Variants in PCDH9 observed in about 807,000 individuals in gnomAD.
The protein encoded by PCDH9 is protocadherin 9, also known as protocadherin-9.
A neutral mutation model predicts 70.6 loss-of-function variants in PCDH9; 24 were observed. That is an observed-to-expected ratio of 0.34 (90% CI 0.25 to 0.48). The LOEUF (loss-of-function observed/expected upper bound fraction) is 0.48. Ranked by LOEUF, PCDH9 falls within the 20% of genes least tolerant of loss-of-function variation. PCDH9 has a pLI of 0.99. For missense variants in PCDH9, 1,281 were observed against 1,503.6 expected, an observed-to-expected ratio of 0.85 and a Z score of 2.45; for synonymous variants, 562 against 558.5, an observed-to-expected ratio of 1.01 and a Z score of -0.09.
intron 4 of PCDH9, among the ~76,000 whole-genome samples, chr13:66,562,827 T>C (rs2076594856): frequency 6.6e-6 from 1 of 152,142 alleles, no homozygotes; most frequent in East Asian, 1.9e-4. Flanking sequence ...CATAGAGCCA[T>C]TTCATATGAG....
chr13:66,339,245 AC>A (rs961657184), intron 4 of PCDH9, among the ~76,000 whole-genome samples: 16 of 133,440 alleles, frequency 1.2e-4, no homozygotes, highest in Admixed American at 2.9e-4. Flanking sequence ...CAACAAAAAA[AC>A]AGTATTACTT....
intron 3 of PCDH9, among the ~76,000 whole-genome samples, chr13:66,866,388 A>G (rs1027141444): frequency 6.6e-6 from 1 of 152,044 alleles, no homozygotes; most frequent in African/African-American, 2.4e-5. Context: ...AGGCTGAGGA[A>G]AGAGAATGGC....
chr13:66,517,497 A>G (rs1419848369), intron 4 of PCDH9, among the ~76,000 whole-genome samples: 4 of 152,144 alleles, frequency 2.6e-5, no homozygotes, highest in Admixed American at 6.6e-5. Context: ...TTTAAAAAAA[A>G]CAACAACAAA....
intron 2 of PCDH9, among the ~76,000 whole-genome samples, chr13:67,055,591 C>G (rs574930146): frequency 5.3e-5 from 8 of 151,690 alleles, no homozygotes; most frequent in African/African-American, 1.9e-4. Context: ...GCAGAAGGAT[C>G]AGTTGAGGCC....
intron 3 of PCDH9, among the ~76,000 whole-genome samples, chr13:66,738,216 C>T (rs1434993951): frequency 1.2e-4 from 18 of 151,624 alleles, no homozygotes; most frequent in African/African-American, 4.1e-4. Flanking sequence ...TGGGAGGCAC[C>T]CCCCAGCAGG....
intron 3 of PCDH9, among the ~76,000 whole-genome samples, chr13:66,702,056 C>T (rs1457057911): frequency 6.6e-6 from 1 of 152,164 alleles, no homozygotes; most frequent in African/African-American, 2.4e-5. Flanking sequence ...TTCAATTACA[C>T]TCCCTTTAAT....
intron 2 of PCDH9, among the ~76,000 whole-genome samples, chr13:67,035,545 GAAAT>G (rs937101936): frequency 4.0e-5 from 6 of 149,398 alleles, no homozygotes; most frequent in Admixed American, 6.7e-5. Context: ...ACTGCTTAAA[GAAAT>G]AAATATATAA....
intron 4 of PCDH9, among the ~76,000 whole-genome samples, chr13:66,487,457 T>G (rs1255367228): frequency 6.6e-6 from 1 of 152,184 alleles, no homozygotes; most frequent in Non-Finnish European, 1.5e-5. Flanking sequence ...CTTATGGATT[T>G]TTTATTATAG....
intron 2 of PCDH9, among the ~76,000 whole-genome samples, chr13:66,919,890 C>T (rs868759457): frequency 1.3e-5 from 2 of 150,884 alleles, no homozygotes; most frequent in African/African-American, 2.4e-5. Flanking sequence ...ATATATTATT[C>T]GTATTTCTTA....
At chr13:66,819,117 C>G (rs2080663370) in intron 3 of PCDH9, among the ~76,000 whole-genome samples, 2 of 152,048 alleles carry the variant, frequency 1.3e-5, no homozygotes, top group African/African-American at 4.8e-5. Flanking sequence ...TCCAGCTCAT[C>G]AGGTCCTCCA....
intron 4 of PCDH9, among the ~76,000 whole-genome samples, chr13:66,624,117 G>A (rs1184002742): frequency 6.6e-6 from 1 of 152,146 alleles, no homozygotes; most frequent in Non-Finnish European, 1.5e-5. Flanking sequence ...ACAAGATTAA[G>A]ACTTAATTTT....
chr13:66,703,621 G>A (rs1168470238), intron 3 of PCDH9, among the ~76,000 whole-genome samples: 1 of 152,142 alleles, frequency 6.6e-6, no homozygotes, highest in East Asian at 1.9e-4. Context: ...TTTCTTGCAG[G>A]GCGTGGTGGC....
chr13:66,581,855 G>A (rs1046242105), intron 4 of PCDH9, among the ~76,000 whole-genome samples: 2 of 152,012 alleles, frequency 1.3e-5, no homozygotes, highest in Admixed American at 6.6e-5. Flanking sequence ...AACTTATACC[G>A]TCCACCAGTC....
chr13:66,459,032 C>T (rs1220272370), intron 4 of PCDH9, among the ~76,000 whole-genome samples: 1 of 151,846 alleles, frequency 6.6e-6, no homozygotes, highest in Non-Finnish European at 1.5e-5. Context: ...GCAGAGGGTG[C>T]TTTAGCTCCA....
At chr13:66,507,956 C>T (rs1238651823) in intron 4 of PCDH9, among the ~76,000 whole-genome samples, 4 of 152,018 alleles carry the variant, frequency 2.6e-5, no homozygotes, top group African/African-American at 7.2e-5. Context: ...CTCTTGACCT[C>T]GTGATCTGCC....
intron 4 of PCDH9, among the ~76,000 whole-genome samples, chr13:66,596,418 G>T (rs1327800101): frequency 6.6e-6 from 1 of 151,564 alleles, no homozygotes; most frequent in Non-Finnish European, 1.5e-5. Flanking sequence ...ATGTAAGCTT[G>T]TGTGCATATA....
chr13:66,707,258 G>A (rs922698859), intron 3 of PCDH9, among the ~76,000 whole-genome samples: 4 of 152,062 alleles, frequency 2.6e-5, no homozygotes, highest in Non-Finnish European at 5.9e-5. Flanking sequence ...TTAATTTTTT[G>A]TCGTTTTGAA....
intron 3 of PCDH9, among the ~76,000 whole-genome samples, chr13:66,888,728 T>C (rs1004710850): frequency 2.0e-5 from 3 of 151,960 alleles, no homozygotes; most frequent in Admixed American, 1.3e-4. Flanking sequence ...GGAAAGACAA[T>C]CTGAAAGTAT....
intron 4 of PCDH9, among the ~76,000 whole-genome samples, chr13:66,428,100 A>G (rs1309593851): frequency 1.3e-5 from 2 of 151,766 alleles, no homozygotes; most frequent in African/African-American, 4.8e-5. Flanking sequence ...GTAACAGTGT[A>G]TATTATGTTC....
Sources: allele counts gnomAD v4.1 joint callset (sites outside exome capture counted in the v4.1 genomes callset), GRCh38; gene constraint gnomAD v4.1.1; transcripts MANE v1.5; gene names NCBI Gene and HGNC (gene_info 2026-07-23, HGNC 2026-07-21).